RIMS2: variants seen among roughly 807,000 people sequenced by gnomAD.
RIMS2 encodes the protein regulating synaptic membrane exocytosis protein 2.
RIMS2 carries 59 observed loss-of-function variants against 174.4 expected under a neutral mutation model. That is an observed-to-expected ratio of 0.34 (90% CI 0.27 to 0.42). RIMS2 has a LOEUF of 0.42. RIMS2 is among the 10% of genes least tolerant of loss of function. The probability of loss-of-function intolerance (pLI) is 1.00; values close to 1 mark genes in which losing one functional copy is unlikely to be tolerated. For missense variants in RIMS2, 1,620 were observed against 1,666.3 expected (o/e 0.97, Z 0.48); for synonymous variants, 606 against 572.5 (o/e 1.06, Z -0.84).
chr8:103,959,321 A>G (rs991045049), intron 14 of RIMS2, among the ~76,000 whole-genome samples: 2 of 152,180 alleles, frequency 1.3e-5, no homozygotes, highest in African/African-American at 2.4e-5. Context: ...TGTATCATAA[A>G]TAGGGACATG....
chr8:104,241,341 T>C (rs1036457706), intron 19 of RIMS2, among the ~76,000 whole-genome samples: 2 of 152,112 alleles, frequency 1.3e-5, no homozygotes, highest in Non-Finnish European at 2.9e-5. Flanking sequence ...AACTGTAAAA[T>C]TGGGATTTTT....
At chr8:103,757,010 T>A (rs28488618) in intron 2 of RIMS2, among the ~76,000 whole-genome samples, 17,037 of 113,996 alleles carry the variant, frequency 0.15, 1,117 homozygotes, top group Middle Eastern at 0.24. Context: ...TGTGTGTGTG[T>A]GAGAGAGAGA....
chr8:103,614,259 C>G (rs570712858), intron 1 of RIMS2, among the ~76,000 whole-genome samples: 3 of 152,388 alleles, frequency 2.0e-5, no homozygotes, highest in South Asian at 4.1e-4. Context: ...TCCGTTTGCT[C>G]TCTCCATGCA....
chr8:104,030,987 A>G (rs1383316252), intron 19 of RIMS2, among the ~76,000 whole-genome samples: 1 of 152,110 alleles, frequency 6.6e-6, no homozygotes, highest in Admixed American at 6.6e-5. Context: ...GGATTATAGT[A>G]GGTGCTGAAT....
At chr8:103,929,785 T>A (rs1215665745) in intron 11 of RIMS2, among the ~76,000 whole-genome samples, 1 of 152,002 alleles carries the variant, frequency 6.6e-6, no homozygotes, top group African/African-American at 2.4e-5. Context: ...CCCGTTTTTC[T>A]TATCTGTATC....
At chr8:104,238,839 C>G (rs951235841) in intron 19 of RIMS2, among the ~76,000 whole-genome samples, 1 of 152,150 alleles carries the variant, frequency 6.6e-6, no homozygotes, top group African/African-American at 2.4e-5. Context: ...ATTATACTCA[C>G]TCTGAGAAAT....
At chr8:104,109,270 CTGGGCGACAGAGTGAG>C (rs1223411617) in intron 19 of RIMS2, among the ~76,000 whole-genome samples, 1 of 137,932 alleles carries the variant, frequency 7.2e-6, no homozygotes, top group Non-Finnish European at 1.5e-5. Context: ...GCACTCCAGC[CTGGGCGACAGAGTGAG>C]ACTCTGTCTC....
chr8:103,981,954 T>C lies in RIMS2; in HGVS notation c.2927+6448T>C, dbSNP rs191052597. 3.9e-3 allele frequency among the ~76,000 whole-genome samples: 587 copies of C among 151,722 alleles called. 5 individuals are homozygous for C. Among genetic ancestry groups the C allele is most frequent in the African/African-American group, 0.012 (502 of 41,382 alleles). On this transcript the variant is annotated intron_variant, in intron 16 of 23. Coordinates refer to ENST00000504942, the Ensembl canonical transcript of RIMS2. ...GATAGATAGAAAACAATACAAAAGA[T>C]CAATGAAACAGGTTTGTTTTTTTAA...
chr8:103,596,731 T>G (rs998872019), intron 1 of RIMS2, among the ~76,000 whole-genome samples: 1 of 151,946 alleles, frequency 6.6e-6, no homozygotes, highest in Admixed American at 6.6e-5. Context: ...CAATTTGACC[T>G]GAAATTTAAC....
At chr8:104,059,489 T>C (rs1445523769) in intron 19 of RIMS2, among the ~76,000 whole-genome samples, 1 of 150,552 alleles carries the variant, frequency 6.6e-6, no homozygotes, top group Non-Finnish European at 1.5e-5. Context: ...TGGGGTTTTC[T>C]AGATATACAA....
At chr8:103,626,457 A>G (rs1035973454) in intron 1 of RIMS2, among the ~76,000 whole-genome samples, 10 of 152,244 alleles carry the variant, frequency 6.6e-5, no homozygotes, top group African/African-American at 2.4e-4. Flanking sequence ...CTGCAAAAAT[A>G]TGAACAGCAA....
rs2097514519 is a variant in RIMS2, at chr8:104,085,170, C to T, written c.3334+70555C>T. Among the ~76,000 whole-genome samples, 4 of 152,296 alleles carry T rather than the reference C, an allele frequency of 2.6e-5. No homozygotes were observed. In the South Asian group the frequency reaches 8.3e-4, roughly 32 times the overall value. ...TGAATAAACAAGGAATTTTACTTCACACAACAAGAAATCCAAACAGCCCAG... is the reference window on the plus strand; with the variant it reads ...TGAATAAACAAGGAATTTTACTTCATACAACAAGAAATCCAAACAGCCCAG... On this transcript the variant is annotated intron_variant, in intron 19 of 23. Transcript: ENST00000504942.
chr8:104,172,671 G>A (rs1463238914), intron 19 of RIMS2, among the ~76,000 whole-genome samples: 2 of 152,154 alleles, frequency 1.3e-5, no homozygotes, highest in African/African-American at 4.8e-5. Context: ...GTCTATTCTA[G>A]TTGATGCTTT....
intron 19 of RIMS2, among the ~76,000 whole-genome samples, chr8:104,073,901 A>T (rs542372356): frequency 1.3e-5 from 2 of 152,342 alleles, no homozygotes; most frequent in East Asian, 3.9e-4. Flanking sequence ...TCATTTTTTA[A>T]AAAGCCCTTA....
intron 3 of RIMS2, among the ~76,000 whole-genome samples, chr8:103,808,876 A>G (rs956333059): frequency 5.3e-5 from 8 of 152,142 alleles, no homozygotes; most frequent in African/African-American, 1.9e-4. Context: ...ATACAGTGAG[A>G]TAATATTTTG....
intron 1 of RIMS2, among the ~76,000 whole-genome samples, chr8:103,514,065 C>T (rs1015642387): frequency 1.3e-5 from 2 of 152,068 alleles, no homozygotes; most frequent in African/African-American, 2.4e-5. Context: ...ATGGAACATA[C>T]AAAATAGTAA....
At chr8:103,943,928 T>C (rs1565452625) in intron 14 of RIMS2, among the ~76,000 whole-genome samples, 1 of 152,162 alleles carries the variant, frequency 6.6e-6, no homozygotes, top group East Asian at 1.9e-4. Context: ...AGCTGGTAAC[T>C]TAACAAATGA....
chr8:104,144,738 C>T lies in RIMS2; in HGVS notation c.3335-100178C>T, dbSNP rs1043242016. ...CACATAATTTTATTTTTCTTCATATCTCTTCATTCTTCTTTTGTGCAGATG... is the reference window on the plus strand; with the variant it reads ...CACATAATTTTATTTTTCTTCATATTTCTTCATTCTTCTTTTGTGCAGATG... On this transcript the variant is annotated intron_variant, in intron 19 of 23. Transcript: ENST00000504942. 2.6e-5 allele frequency among the ~76,000 whole-genome samples: 4 copies of T among 151,976 alleles called. No individual in the cohort carries two copies. The East Asian group carries it at 7.7e-4, about 29-fold the overall frequency.
intron 14 of RIMS2, among the ~76,000 whole-genome samples, chr8:103,956,076 C>T (rs990210206): frequency 2.6e-5 from 4 of 152,272 alleles, no homozygotes; most frequent in African/African-American, 4.8e-5. Context: ...AGGAGAACTA[C>T]AAACCACTGC....
Sources: gnomAD v4.1 joint callset for allele counts (sites outside exome capture counted in the v4.1 genomes callset) on GRCh38, gnomAD v4.1.1 for gene constraint, MANE v1.5 for transcripts, NCBI Gene and HGNC (gene_info 2026-07-23, HGNC 2026-07-21) for gene names.